Variants in GNAQ observed in about 807,000 individuals in gnomAD.
GNAQ encodes the protein G protein subunit alpha q, also known as guanine nucleotide-binding protein G(q) subunit alpha.
In GNAQ, 8 loss-of-function variants were observed where a neutral mutation model predicts 43.9. The ratio of observed to expected loss-of-function variants is 0.18; its 90% CI spans 0.11 to 0.33. The LOEUF is 0.33. GNAQ is among the 10% of genes least tolerant of loss of function. The pLI, the probability that GNAQ is intolerant of heterozygous loss-of-function variation, is 1.00. For missense variants in GNAQ, 158 were observed against 450.8 expected (o/e 0.35, Z 5.88); for synonymous variants, 155 against 170.7 (o/e 0.91, Z 0.71).
intron 2 of GNAQ, among the ~76,000 whole-genome samples, chr9:77,825,709 G>T (rs896979534): frequency 2.0e-5 from 3 of 152,160 alleles, no homozygotes; most frequent in African/African-American, 7.2e-5. Context: ...GTGAATGTCT[G>T]TTAAAAACAT....
chr9:77,994,051 C>G (rs1198179006), intron 1 of GNAQ, among the ~76,000 whole-genome samples: 1 of 152,160 alleles, frequency 6.6e-6, no homozygotes, highest in Non-Finnish European at 1.5e-5. Flanking sequence ...AGGTCTTACT[C>G]TGTTGCCCAG....
chr9:77,923,847 A>G lies in GNAQ; in HGVS notation c.137-1502T>C, dbSNP rs1233537270. Among the ~76,000 whole-genome samples the G allele has an allele frequency of 2.0e-5, 3 of 152,016 alleles. No homozygotes were observed. The East Asian group carries it at 5.8e-4, about 29-fold the overall frequency. ...GAGAGGGAGGGAAGGAAGGAGGGAG[A>G]AAAAAAATAAAAGCTAGTAATACGC... is the stretch of plus-strand genomic sequence containing the variant. On this transcript the variant is annotated intron_variant, in intron 1 of 6. Coordinates refer to ENST00000286548, the MANE Select transcript of GNAQ (RefSeq NM_002072.5).
At chr9:77,770,114 T>A (rs1338263228) in intron 5 of GNAQ, among the ~76,000 whole-genome samples, 1 of 152,182 alleles carries the variant, frequency 6.6e-6, no homozygotes, top group African/African-American at 2.4e-5. Context: ...GGTTTGAGAA[T>A]TTAGCATATG....
intron 6 of GNAQ, among the ~76,000 whole-genome samples, chr9:77,724,354 G>A (rs770436699): frequency 2.0e-5 from 3 of 152,058 alleles, no homozygotes; most frequent in Non-Finnish European, 4.4e-5. Context: ...ACCATGCCCA[G>A]CTAATTTTTG....
At chr9:77,862,858 A>G (rs1564133556) in intron 2 of GNAQ, among the ~76,000 whole-genome samples, 1 of 152,194 alleles carries the variant, frequency 6.6e-6, no homozygotes, top group Non-Finnish European at 1.5e-5. Context: ...ACAGGACCCA[A>G]GTCACTTCTT....
intron 2 of GNAQ, among the ~76,000 whole-genome samples, chr9:77,819,015 A>G (rs1467269800): frequency 2.0e-5 from 3 of 148,212 alleles, no homozygotes; most frequent in Non-Finnish European, 4.4e-5. Flanking sequence ...AAAAAAAAAA[A>G]AAAAAAAAAA....
chr9:77,827,849 T>C (rs1827223552), intron 2 of GNAQ, among the ~76,000 whole-genome samples: 1 of 151,658 alleles, frequency 6.6e-6, no homozygotes, highest in Admixed American at 6.6e-5. Context: ...AAGAAATTCA[T>C]CTCTTTTAAC....
intron 1 of GNAQ, among the ~76,000 whole-genome samples, chr9:77,967,131 T>C (rs1823177644): frequency 6.6e-6 from 1 of 152,196 alleles, no homozygotes; most frequent in Non-Finnish European, 1.5e-5. Flanking sequence ...AGGTGAACTA[T>C]CTTCTTTAAC....
At chr9:77,796,419 C>T (rs1235569431) in intron 4 of GNAQ, among the ~76,000 whole-genome samples, 3 of 152,218 alleles carry the variant, frequency 2.0e-5, no homozygotes. Context: ...ACTCTCCACA[C>T]TCCAAGACAC....
chr9:78,010,304 G>T (rs955760985), intron 1 of GNAQ, among the ~76,000 whole-genome samples: 2 of 152,200 alleles, frequency 1.3e-5, no homozygotes, highest in Admixed American at 6.5e-5. Flanking sequence ...ATGTGTTCCA[G>T]TGGGTTCCAG....
chr9:77,761,161 G>T (rs1826005903), intron 5 of GNAQ, among the ~76,000 whole-genome samples: 1 of 141,192 alleles, frequency 7.1e-6, no homozygotes, highest in Non-Finnish European at 1.6e-5. Flanking sequence ...CCGGGAGGGA[G>T]GTGGGGGGGT....
chr9:77,854,463 G>A lies in GNAQ; in HGVS notation c.322-38693C>T, dbSNP rs75295885. 3.5e-4 allele frequency among the ~76,000 whole-genome samples: 54 copies of A among 152,322 alleles called. No individual in the cohort carries two copies. The East Asian group carries it at 0.01, about 28-fold the overall frequency. ...GGCAAGACTAAACACAGGTTAAGTGGCAGTGATGCTCATGCTTGGGAAGTT... is the reference window on the plus strand; with the variant it reads ...GGCAAGACTAAACACAGGTTAAGTGACAGTGATGCTCATGCTTGGGAAGTT... On this transcript the variant is annotated intron_variant, in intron 2 of 6. Coordinates refer to ENST00000286548, the MANE Select transcript of GNAQ (RefSeq NM_002072.5).
intron 5 of GNAQ, among the ~76,000 whole-genome samples, chr9:77,793,549 T>C (rs567411432): frequency 6.6e-6 from 1 of 152,166 alleles, no homozygotes; most frequent in Non-Finnish European, 1.5e-5. Context: ...AAGCATAATA[T>C]GCTAGATCCT....
intron 5 of GNAQ, among the ~76,000 whole-genome samples, chr9:77,741,449 CCTTGT>C (rs1825652992): frequency 6.6e-6 from 1 of 152,124 alleles, no homozygotes; most frequent in Non-Finnish European, 1.5e-5. Context: ...TTAATTTTGT[CCTTGT>C]CTTTTTTTCT....
chr9:77,932,319 A>T (rs554031751), intron 1 of GNAQ, among the ~76,000 whole-genome samples: 23 of 152,306 alleles, frequency 1.5e-4, no homozygotes, highest in Non-Finnish European at 2.4e-4. Flanking sequence ...TTCCAGTATC[A>T]AGGATGCAGG....
intron 5 of GNAQ, among the ~76,000 whole-genome samples, chr9:77,761,577 C>T (rs1348851777): frequency 1.7e-3 from 200 of 115,090 alleles, no homozygotes; most frequent in Middle Eastern, 7.7e-3. Flanking sequence ...CGGCCAGCTG[C>T]CTCGCCCGGG....
At chr9:77,984,929 G>A (rs558780541) in intron 1 of GNAQ, among the ~76,000 whole-genome samples, 33 of 152,250 alleles carry the variant, frequency 2.2e-4, no homozygotes, top group African/African-American at 7.7e-4. Flanking sequence ...AATCAAAATG[G>A]ACTACCATTT....
At chr9:77,972,441 G>C (rs925432709) in intron 1 of GNAQ, among the ~76,000 whole-genome samples, 1 of 151,874 alleles carries the variant, frequency 6.6e-6, no homozygotes, top group East Asian at 1.9e-4. Flanking sequence ...CAAAACAAAT[G>C]CAAGTAACAT....
At chr9:77,752,358 G>C (rs1227932521) in intron 5 of GNAQ, among the ~76,000 whole-genome samples, 1 of 152,190 alleles carries the variant, frequency 6.6e-6, no homozygotes, top group Admixed American at 6.5e-5. Context: ...TACTCTATCT[G>C]AGTCTATACT....
Sources: allele counts gnomAD v4.1 joint callset (sites outside exome capture counted in the v4.1 genomes callset), GRCh38; gene constraint gnomAD v4.1.1; transcripts MANE v1.5; gene names NCBI Gene and HGNC (gene_info 2026-07-23, HGNC 2026-07-21).